Variants in DENND3 observed in about 807,000 individuals in gnomAD.
The protein encoded by DENND3 is DENN domain-containing protein 3.
DENND3 carries 88 observed loss-of-function variants against 135.1 expected under a neutral mutation model. That is an observed-to-expected ratio of 0.65 (90% confidence interval 0.55 to 0.78). The LOEUF is 0.78. Among genes scored for constraint, DENND3 ranks in the 30% least tolerant of loss-of-function variants. DENND3 has a pLI of 0.00. For synonymous variants in DENND3, 693 were observed against 712.3 expected (o/e 0.97, Z 0.43); for missense variants, 1,392 against 1,688.4 (o/e 0.82, Z 3.08).
At position 141,137,914 on chromosome 8, in the gene DENND3, ACTG is replaced by A; in HGVS notation, c.386-105_386-103del. On this transcript the variant is annotated intron_variant, in intron 2 of 22. Coordinates refer to ENST00000519811, the MANE Select transcript of DENND3 (RefSeq NM_001352890.3). This position sits in a 1 kb window ranked among gnomAD's most constrained non-coding sequence, Gnocchi z 4.1. The stretch of plus-strand genomic sequence containing the variant: ...CCGCCTTGGACATGAAGGCACCACC[ACTG>A]CTAACTGTGGAGGTGTGTCCTAAAC... The A allele has an allele frequency of 9.1e-7, 1 of 1,104,820 alleles. No individual in the cohort carries two copies. Among genetic ancestry groups the A allele is most frequent in the Non-Finnish European group, 1.3e-6 (1 of 768,324 alleles). The allele number at this position is 1,104,820 out of a possible 1,614,324, so 68.4% of individuals were successfully genotyped here. A position where few individuals can be genotyped will look rare whatever the true frequency, so the allele number is the denominator to read the frequency against.
rs1222558998 is a variant in DENND3, at chr8:141,146,602, A to C, written c.735+2343A>C. Among the ~76,000 whole-genome samples, 1 of 152,202 alleles carries C rather than the reference A, an allele frequency of 6.6e-6. No homozygotes were observed. The highest frequency in any genetic ancestry group is 6.5e-5 in the Admixed American group (1 of 15,282). Reference sequence around the variant, plus strand: ...TGATCTTCTACATTTTTCTTTACTGACAATGGAAAAAATAAGTTTCTTGTA... The same window carrying C: ...TGATCTTCTACATTTTTCTTTACTGCCAATGGAAAAAATAAGTTTCTTGTA... On this transcript the variant is annotated intron_variant, in intron 5 of 22. Coordinates refer to ENST00000519811, the MANE Select transcript of DENND3 (RefSeq NM_001352890.3). The surrounding 1 kb of genome is among the most constrained non-coding windows in gnomAD (Gnocchi z 4.3).
chr8:141,149,471 G>C (rs1483972707), intron 5 of DENND3, among the ~76,000 whole-genome samples: 1 of 152,252 alleles, frequency 6.6e-6, no homozygotes, highest in Non-Finnish European at 1.5e-5. Context: ...AAACATTGAA[G>C]TAAATGGGAG....
Position 141,180,864 on chromosome 8 carries a change from C to T in DENND3, c.2944+10C>T, listed in dbSNP as rs767851085. On this transcript the variant is annotated intron_variant, in intron 17 of 22. Transcript: ENST00000519811. ...CTGCTCTACACTCCAGGTAAGGCCC[C>T]TCTGCCCGCGCCTCGCTGCCAGTTT... 15 of 1,605,992 alleles carry T rather than the reference C, an allele frequency of 9.3e-6. No individual in the cohort carries two copies. The highest frequency in any genetic ancestry group is 1.1e-5 in the South Asian group (1 of 89,748).
rs543716705 is a variant in DENND3 at position 141,185,215 on chromosome 8, C to T, written c.3021C>T (p.Thr1007=). The T allele has an allele frequency of 7.4e-6, 12 of 1,614,188 alleles. No individual in the cohort carries two copies. The highest frequency in any genetic ancestry group is 3.3e-5 in the Admixed American group (2 of 60,034). Residue 1007 remains threonine, a synonymous_variant, in exon 18 of 23, where the codon ACC becomes ACT. Coordinates refer to ENST00000519811, the MANE Select transcript of DENND3 (RefSeq NM_001352890.3). Reference sequence around the variant, plus strand: ...GTGCTCTGAGCGAAGGCAAGGTGACCGTGTTCAATGCTTCTTCATGGACCA... The same window carrying T: ...GTGCTCTGAGCGAAGGCAAGGTGACTGTGTTCAATGCTTCTTCATGGACCA... ...LWCALSEGKV[T]VFNASSWTIH...
chr8:141,128,672 C>A lies in DENND3; in HGVS notation c.-36C>A. 4 of 1,310,466 alleles carry A rather than the reference C, an allele frequency of 3.1e-6. No individual in the cohort carries two copies. Among genetic ancestry groups the A allele is most frequent in the Non-Finnish European group, 3.9e-6 (4 of 1,024,852 alleles). The allele number at this position is 1,310,466 out of a possible 1,614,324, so 81.2% of individuals were successfully genotyped here. On this transcript the variant is annotated 5_prime_UTR_variant, in exon 1 of 23. Transcript: ENST00000519811. This position sits in a 1 kb window ranked among gnomAD's most constrained non-coding sequence, Gnocchi z 4.5. ...TGCGGGCGACTGCGCGGCTGAGGCG[C>A]CCGAGTGCGGTACTGGCGGCGGGCG...
chr8:141,162,237 G>T (rs1820225516), intron 9 of DENND3, among the ~76,000 whole-genome samples: 1 of 152,146 alleles, frequency 6.6e-6, no homozygotes, highest in Non-Finnish European at 1.5e-5. Context: ...TCCTAAATAT[G>T]TTGTTTTCCT....
intron 5 of DENND3, among the ~76,000 whole-genome samples, chr8:141,148,031 G>A (rs1352907951): frequency 6.6e-6 from 1 of 152,228 alleles, no homozygotes; most frequent in Non-Finnish European, 1.5e-5. Context: ...TCATACATGA[G>A]TGTTTATTGT....
Position 141,166,140 on chromosome 8 carries a change from T to G in DENND3, c.1554-50T>G, listed in dbSNP as rs1820754335. 6.4e-7 allele frequency: 1 copy of G among 1,570,486 alleles called. No homozygotes were observed. The highest frequency in any genetic ancestry group is 8.8e-7 in the Non-Finnish European group (1 of 1,142,064). ...AAAATGCTTAGTTTAGGCTTATTCT[T>G]CAATCATTATTGTGTCTATAAACTA... is the stretch of plus-strand genomic sequence containing the variant. On this transcript the variant is annotated intron_variant, in intron 11 of 22. Transcript: ENST00000519811. This position sits in a 1 kb window ranked among gnomAD's most constrained non-coding sequence, Gnocchi z 4.3.
In DENND3 at chr8:141,167,447, A is replaced by G. The variant is rs1312698281; in HGVS notation, c.1754-557A>G. Among the ~76,000 whole-genome samples, 2 of 152,144 alleles carry G rather than the reference A, an allele frequency of 1.3e-5. No homozygotes were observed. The highest frequency in any genetic ancestry group is 2.9e-5 in the Non-Finnish European group (2 of 68,024). On this transcript the variant is annotated intron_variant, in intron 12 of 22. Coordinates refer to ENST00000519811, the MANE Select transcript of DENND3 (RefSeq NM_001352890.3). The surrounding 1 kb of genome is among the most constrained non-coding windows in gnomAD (Gnocchi z 4.1). ...GAAACCCAGCACCCAGTTGGTGCCT[A>G]GCTCCTGGAGGGCCCTTAGGTAACA...
At position 141,185,269 on chromosome 8, in the gene DENND3, T is replaced by C. The variant is rs1462435803; in HGVS notation, c.3075T>C (p.Thr1025=). ...ACCAGCACTCCTTTAAAGTGGGCAC[T>C]GCAAAAGTGGTGAGTACACGAAGCG... ...TIHQHSFKVG[T]AKVNCMVMAD... The change falls in exon 18 of 23, where the codon ACT becomes ACC. Residue 1025 remains threonine, a synonymous_variant. Coordinates refer to ENST00000519811, the MANE Select transcript of DENND3 (RefSeq NM_001352890.3). The C allele has an allele frequency of 6.2e-7, 1 of 1,614,202 alleles. No homozygotes were observed. Among genetic ancestry groups the C allele is most frequent in the Non-Finnish European group, 8.5e-7 (1 of 1,180,020 alleles).
Position 141,160,764 on chromosome 8 carries a change from G to A in DENND3, c.1329G>A (p.Leu443=). 1 of 1,612,274 alleles carries A rather than the reference G, an allele frequency of 6.2e-7. No individual in the cohort carries two copies. Residue 443 remains leucine, a synonymous_variant, in exon 9 of 23, where the codon CTG becomes CTA. Coordinates refer to ENST00000519811, the MANE Select transcript of DENND3 (RefSeq NM_001352890.3). ...KLNCQIQQTT[L]QLLVSIFRDV... ...ACTGCCAGATACAGCAGACCACCCT[G>A]CAGCTGCTCGTGAGCATCTTCAGGT...
At chr8:141,193,952 A>G (rs1209688436) in intron 22 of DENND3, 81 bp from the exon 23 acceptor site, 3 of 1,490,856 alleles carry the variant, frequency 2.0e-6, no homozygotes, top group Non-Finnish European at 2.8e-6. Context: ...ACACGCGTCA[A>G]TTCTGGGTAG....
chr8:141,161,715 T>C (rs1820147246), intron 9 of DENND3, among the ~76,000 whole-genome samples: 2 of 152,140 alleles, frequency 1.3e-5, no homozygotes, highest in Non-Finnish European at 2.9e-5. Context: ...TGAGGGGCCT[T>C]CCGCTTTGGG....
intron 18 of DENND3, among the ~76,000 whole-genome samples, chr8:141,186,551 C>T (rs1254165371): frequency 3.3e-5 from 5 of 152,294 alleles, no homozygotes; most frequent in East Asian, 1.9e-4. Flanking sequence ...AGCTCATCAG[C>T]GATCGTTAAT....
At chr8:141,173,110 G>A (rs927670052) in intron 13 of DENND3, among the ~76,000 whole-genome samples, 2 of 120,858 alleles carry the variant, frequency 1.7e-5, no homozygotes, top group Non-Finnish European at 3.5e-5. Flanking sequence ...ACAATCTTAG[G>A]TACAGAGTCA....
At position 141,144,197 on chromosome 8, in the gene DENND3, A is replaced by G. The variant is rs572514677; in HGVS notation, c.673A>G (p.Ile225Val). The change falls in exon 5 of 23, where the codon ATA (isoleucine) becomes GTA (valine). Residue 225 changes from isoleucine (I) to valine (V), a missense_variant. Transcript: ENST00000519811. The surrounding 1 kb of genome is among the most constrained non-coding windows in gnomAD (Gnocchi z 4.4). Reference protein sequence around the residue: ...PCKDFEVDSHIKDFAAKLSLI... With the variant: ...PCKDFEVDSHVKDFAAKLSLI... ...TAAAGATTTTGAAGTGGACAGTCAT[A>G]TAAAAGATTTCGCTGCGAAGCTGTC... The G allele has an allele frequency of 4.3e-6, 7 of 1,614,062 alleles. No homozygotes were observed. Among genetic ancestry groups the G allele is most frequent in the South Asian group, 3.3e-5 (3 of 91,032 alleles).
At chr8:141,162,699 G>A (rs944485474) in intron 9 of DENND3, among the ~76,000 whole-genome samples, 7 of 152,208 alleles carry the variant, frequency 4.6e-5, no homozygotes, top group African/African-American at 1.7e-4. Context: ...ACTTTGGGAG[G>A]CCGAGGTGGG....
In DENND3 at chr8:141,175,245, A is replaced by T. The variant is rs567389120; in HGVS notation, c.2321A>T (p.Asn774Ile). 1 of 1,614,164 alleles carries T rather than the reference A, an allele frequency of 6.2e-7. No homozygotes were observed. Among genetic ancestry groups the T allele is most frequent in the South Asian group, 1.1e-5 (1 of 91,074 alleles). Residue 774 changes from asparagine (N) to isoleucine (I), a missense_variant, in exon 14 of 23, where the codon AAC becomes ATC. Coordinates refer to ENST00000519811, the MANE Select transcript of DENND3 (RefSeq NM_001352890.3). This position sits in a 1 kb window ranked among gnomAD's most constrained non-coding sequence, Gnocchi z 5.4. ...IDPETFKDFY[N>I]CWKETEAEAQ... is the part of the protein sequence containing the mutation. ...CCAGAAACATTCAAAGATTTCTACAACTGCTGGAAGGAGACGGAAGCAGAA... is the reference window on the plus strand; with the variant it reads ...CCAGAAACATTCAAAGATTTCTACATCTGCTGGAAGGAGACGGAAGCAGAA...
At chr8:141,184,035 C>T (rs1009763898) in intron 17 of DENND3, among the ~76,000 whole-genome samples, 1 of 152,244 alleles carries the variant, frequency 6.6e-6, no homozygotes, top group Non-Finnish European at 1.5e-5. Flanking sequence ...TGTCCCTCTC[C>T]TGGGCCTGCT....
Sources: allele counts gnomAD v4.1 joint callset (sites outside exome capture counted in the v4.1 genomes callset), GRCh38; gene constraint gnomAD v4.1.1; non-coding constraint Gnocchi (gnomAD v3.1); transcripts MANE v1.5; gene names NCBI Gene and HGNC (gene_info 2026-07-23, HGNC 2026-07-21).